The following LRRC4C variants were observed in gnomAD, a reference collection of about 807,000 sequenced individuals.
The protein encoded by LRRC4C is leucine-rich repeat-containing protein 4C.
Under a neutral mutation model 33.6 loss-of-function variants are expected in LRRC4C, and 5 were observed. The observed-to-expected ratio is 0.15, with a 90% CI of 0.08 to 0.31. The LOEUF is 0.31. Ranked by LOEUF, LRRC4C falls within the 10% of genes least tolerant of loss-of-function variation. The probability of loss-of-function intolerance (pLI) is 1.00; values close to 1 mark genes in which losing one functional copy is unlikely to be tolerated. For synonymous variants in LRRC4C, 329 were observed against 302.0 expected, an observed-to-expected ratio of 1.09 and a Z score of -0.93; for missense variants, 560 against 796.7, an observed-to-expected ratio of 0.70 and a Z score of 3.58.
At chr11:40,573,421 T>C (rs1166265445) in intron 3 of LRRC4C, among the ~76,000 whole-genome samples, 1 of 152,192 alleles carries the variant, frequency 6.6e-6, no homozygotes, top group African/African-American at 2.4e-5. Context: ...TCCAAGAACA[T>C]TCATGCCTCT....
chr11:40,717,510 T>C (rs200974303), intron 2 of LRRC4C, among the ~76,000 whole-genome samples: 1 of 152,164 alleles, frequency 6.6e-6, no homozygotes, highest in East Asian at 1.9e-4. Flanking sequence ...TTCTTAGTTA[T>C]CCATAAACTA....
intron 3 of LRRC4C, among the ~76,000 whole-genome samples, chr11:40,451,366 C>CTTTTTTTTTTTTTTTTTTTTTTTT (rs71060962): frequency 2.1e-5 from 1 of 47,058 alleles, no homozygotes; most frequent in African/African-American, 9.3e-5. Context: ...GAAATAATGA[C>CTTTTTTTTTTTTTTTTTTTTTTTT]TTTTTTTTTT....
intron 5 of LRRC4C, among the ~76,000 whole-genome samples, chr11:40,158,774 T>C (rs79903559): frequency 6.6e-6 from 1 of 152,158 alleles, no homozygotes; most frequent in African/African-American, 2.4e-5. Flanking sequence ...GTTTCAGATG[T>C]TTAAACTGAC....
chr11:41,099,595 G>T (rs556679303), intron 1 of LRRC4C, among the ~76,000 whole-genome samples: 2 of 152,066 alleles, frequency 1.3e-5, no homozygotes, highest in Middle Eastern at 3.4e-3. Context: ...CAAAAACCAC[G>T]TGATTATGTC....
rs1285840749 is a variant in LRRC4C, at chr11:41,451,170, C to T, written c.-496+8261G>A. ...TAATAAACAAATTTTGAATAAATGA[C>T]ACCATCGAAATGACTACAGAAGCAA... On this transcript the variant is annotated intron_variant, in intron 1 of 6. Coordinates refer to ENST00000528697, the MANE Select transcript of LRRC4C (RefSeq NM_001258419.2). Among the ~76,000 whole-genome samples the T allele has an allele frequency of 1.3e-5, 2 of 152,096 alleles. 1 individual carries two copies. The highest frequency in any genetic ancestry group is 4.8e-5 in the African/African-American group (2 of 41,436).
chr11:40,550,520 A>C (rs1269221490), intron 3 of LRRC4C, among the ~76,000 whole-genome samples: 1 of 152,208 alleles, frequency 6.6e-6, no homozygotes, highest in Admixed American at 6.5e-5. Flanking sequence ...CAGCCTCCAG[A>C]CTAATTGACA....
intron 1 of LRRC4C, among the ~76,000 whole-genome samples, chr11:41,047,379 ACT>A (rs1407738678): frequency 5.3e-5 from 8 of 152,116 alleles, no homozygotes; most frequent in Non-Finnish European, 1.0e-4. Context: ...GGAGAAATTA[ACT>A]CTCTTACATT....
intron 1 of LRRC4C, among the ~76,000 whole-genome samples, chr11:40,980,720 A>T (rs896257146): frequency 2.0e-5 from 3 of 152,212 alleles, no homozygotes; most frequent in African/African-American, 7.2e-5. Context: ...AGTTTGTGAT[A>T]TATCTCTATC....
intron 3 of LRRC4C, among the ~76,000 whole-genome samples, chr11:40,504,631 T>C (rs1954943059): frequency 6.6e-6 from 1 of 152,194 alleles, no homozygotes; most frequent in Admixed American, 6.6e-5. Flanking sequence ...GATGTTTTCT[T>C]AGGACTCCAG....
chr11:40,978,624 GTTT>G (rs80021460), intron 1 of LRRC4C, among the ~76,000 whole-genome samples: 1 of 138,248 alleles, frequency 7.2e-6, no homozygotes. Flanking sequence ...TCTTTTTACT[GTTT>G]TTTTTTTTTT....
At chr11:40,335,882 T>C (rs929143065) in intron 3 of LRRC4C, among the ~76,000 whole-genome samples, 2 of 152,198 alleles carry the variant, frequency 1.3e-5, no homozygotes, top group African/African-American at 4.8e-5. Context: ...CAACTTTTAC[T>C]AGCTCTATGA....
At chr11:40,446,486 T>C (rs1951640978) in intron 3 of LRRC4C, 1 of 152,198 alleles carries the variant, frequency 6.6e-6, no homozygotes, top group South Asian at 2.1e-4. Context: ...GGGTGTGTGA[T>C]TGCAATTTGC....
chr11:40,798,259 CA>C (rs1376065356), intron 2 of LRRC4C, among the ~76,000 whole-genome samples: 1 of 152,182 alleles, frequency 6.6e-6, no homozygotes, highest in African/African-American at 2.4e-5. Context: ...GTGCACAAAT[CA>C]AGAAACCTGT....
intron 3 of LRRC4C, among the ~76,000 whole-genome samples, chr11:40,348,350 A>G (rs1202883968): frequency 6.6e-6 from 1 of 152,042 alleles, no homozygotes; most frequent in Non-Finnish European, 1.5e-5. Context: ...GAAAAAAATT[A>G]TTATTACTGC....
chr11:40,999,710 G>A (rs909164178), intron 1 of LRRC4C, among the ~76,000 whole-genome samples: 21 of 152,184 alleles, frequency 1.4e-4, no homozygotes, highest in Non-Finnish European at 2.4e-4. Context: ...GACACTATGT[G>A]AGTGAGAAAA....
chr11:40,563,725 A>G (rs1957645481), intron 3 of LRRC4C, among the ~76,000 whole-genome samples: 1 of 152,124 alleles, frequency 6.6e-6, no homozygotes, highest in African/African-American at 2.4e-5. Flanking sequence ...GAAATCTGAA[A>G]CACGAAATGG....
intron 3 of LRRC4C, among the ~76,000 whole-genome samples, chr11:40,513,722 G>C (rs1167477777): frequency 6.6e-6 from 1 of 152,190 alleles, no homozygotes; most frequent in African/African-American, 2.4e-5. Flanking sequence ...CAGGATAGAA[G>C]TGAGTTTTTT....
intron 1 of LRRC4C, among the ~76,000 whole-genome samples, chr11:41,093,007 C>T (rs971907719): frequency 6.6e-6 from 1 of 152,186 alleles, no homozygotes. Context: ...ATTTCTAGAA[C>T]ATAGTGTATA....
intron 1 of LRRC4C, among the ~76,000 whole-genome samples, chr11:41,206,910 C>A (rs1477642870): frequency 6.6e-6 from 1 of 152,074 alleles, no homozygotes; most frequent in South Asian, 2.1e-4. Context: ...AGCTGTCTGA[C>A]TCTAGAGCTT....
Sources: allele counts gnomAD v4.1 joint callset (sites outside exome capture counted in the v4.1 genomes callset), GRCh38; gene constraint gnomAD v4.1.1; transcripts MANE v1.5; gene names NCBI Gene and HGNC (gene_info 2026-07-23, HGNC 2026-07-21).